The following RAPGEF6 variants were observed in gnomAD, a reference collection of about 807,000 sequenced individuals.
The protein encoded by RAPGEF6 is PDZ domain containing guanine nucleotide exchange factor (GEF) 2.
RAPGEF6 carries 56 observed loss-of-function variants against 171.4 expected under a neutral mutation model. That is an observed-to-expected ratio of 0.33 (90% confidence interval 0.26 to 0.41). The LOEUF (loss-of-function observed/expected upper bound fraction) is 0.41. Ranked by LOEUF, RAPGEF6 falls within the 10% of genes least tolerant of loss-of-function variation. RAPGEF6 has a pLI of 1.00. For synonymous variants in RAPGEF6, 692 were observed against 650.1 expected, an observed-to-expected ratio of 1.06 and a Z score of -0.98; for missense variants, 1,674 against 1,921.4, an observed-to-expected ratio of 0.87 and a Z score of 2.41.
chr5:131,582,123 A>G (rs955425746), intron 4 of RAPGEF6, among the ~76,000 whole-genome samples: 1 of 152,218 alleles, frequency 6.6e-6, no homozygotes, highest in South Asian at 2.1e-4. Flanking sequence ...GTGAATAAAT[A>G]GCCTTGTTGC....
intron 4 of RAPGEF6, among the ~76,000 whole-genome samples, chr5:131,579,170 C>A (rs148101073): frequency 4.9e-4 from 75 of 152,182 alleles, no homozygotes; most frequent in African/African-American, 1.8e-3. Context: ...TTGTTCGCTC[C>A]TCCCGTCTGG....
chr5:131,614,872 C>G (rs1278180594), intron 1 of RAPGEF6, among the ~76,000 whole-genome samples: 1 of 152,206 alleles, frequency 6.6e-6, no homozygotes, highest in African/African-American at 2.4e-5. Context: ...TGTAGCTACC[C>G]AGAATCCTTT....
intron 6 of RAPGEF6, among the ~76,000 whole-genome samples, chr5:131,533,310 T>A (rs1759535099): frequency 6.6e-6 from 1 of 152,064 alleles, no homozygotes; most frequent in Admixed American, 6.6e-5. Flanking sequence ...TAAAAATCCA[T>A]TTTGATTTTT....
At chr5:131,608,699 G>A (rs1314905897) in intron 1 of RAPGEF6, among the ~76,000 whole-genome samples, 1 of 152,060 alleles carries the variant, frequency 6.6e-6, no homozygotes, top group Non-Finnish European at 1.5e-5. Context: ...TTGTCTGAGG[G>A]GGTAAGTGAG....
chr5:131,427,945 T>C (rs1310027778), intron 27 of RAPGEF6, among the ~76,000 whole-genome samples: 3 of 151,704 alleles, frequency 2.0e-5, no homozygotes, highest in African/African-American at 7.3e-5. Flanking sequence ...CTGTCTCAAA[T>C]ACAAAAAATT....
chr5:131,571,055 G>A (rs538189149), intron 4 of RAPGEF6, among the ~76,000 whole-genome samples: 1 of 149,360 alleles, frequency 6.7e-6, no homozygotes, highest in Admixed American at 6.8e-5. Flanking sequence ...AGCAATTCTC[G>A]TGCCTCAGCC....
intron 23 of RAPGEF6, 178 bp from the exon 24 acceptor site, chr5:131,439,893 C>T (rs1341357822): frequency 5.5e-6 from 6 of 1,089,088 alleles, no homozygotes; most frequent in Non-Finnish European, 7.6e-6. Context: ...ATTCTCACCT[C>T]TAGGTTATTC....
intron 15 of RAPGEF6, among the ~76,000 whole-genome samples, chr5:131,480,211 C>G (rs1049265094): frequency 2.6e-5 from 4 of 151,996 alleles, no homozygotes; most frequent in African/African-American, 9.7e-5. Flanking sequence ...TTCAACCAAA[C>G]GTGGATTGAA....
intron 22 of RAPGEF6, among the ~76,000 whole-genome samples, chr5:131,445,493 CTG>C (rs11269268): frequency 7.1e-4 from 104 of 147,224 alleles, no homozygotes; most frequent in African/African-American, 1.7e-3. Flanking sequence ...AACTCACTCT[CTG>C]TGTGTGTGTG....
At chr5:131,598,519 G>A (rs1764036037) in intron 3 of RAPGEF6, among the ~76,000 whole-genome samples, 1 of 152,056 alleles carries the variant, frequency 6.6e-6, no homozygotes, top group Non-Finnish European at 1.5e-5. Context: ...CAAAACTGCT[G>A]AAAAGCAAAA....
In RAPGEF6 at chr5:131,569,136, G is replaced by A. The variant is rs150481878; in HGVS notation, c.282-7089C>T. Among the ~76,000 whole-genome samples, 486 of 152,278 alleles carry A rather than the reference G, an allele frequency of 3.2e-3. 3 individuals are homozygous for A. The highest frequency in any genetic ancestry group is 0.011 in the African/African-American group (462 of 41,556). On this transcript the variant is annotated intron_variant, in intron 4 of 27. Coordinates refer to ENST00000509018, the MANE Select transcript of RAPGEF6 (RefSeq NM_016340.6). ...TAGGCTGGAAACACAATATAGTTAAGACTGCAATTCTCCCCAAATTAATCT... is the reference window on the plus strand; with the variant it reads ...TAGGCTGGAAACACAATATAGTTAAAACTGCAATTCTCCCCAAATTAATCT...
intron 1 of RAPGEF6, among the ~76,000 whole-genome samples, chr5:131,619,178 G>A (rs1765457734): frequency 1.3e-5 from 2 of 152,066 alleles, no homozygotes; most frequent in African/African-American, 2.4e-5. Context: ...GGTGGCTCAC[G>A]CATTTACTAA....
Position 131,592,433 on chromosome 5 carries a change from T to G in RAPGEF6, c.231A>C (p.Leu77=), listed in dbSNP as rs532903828. The stretch of plus-strand genomic sequence containing the variant: ...CTTTCACAAGCACAGATCCAGAAAG[T>G]AGGATATACCAACATCTGGCAATCG... ...SETIARCWYI[L]LSGSVLVKGS... Residue 77 remains leucine, a synonymous_variant, in exon 4 of 28, where the codon CTA becomes CTC. Coordinates refer to ENST00000509018, the MANE Select transcript of RAPGEF6 (RefSeq NM_016340.6). 1 of 1,613,824 alleles carries G rather than the reference T, an allele frequency of 6.2e-7. No homozygotes were observed. Among genetic ancestry groups the G allele is most frequent in the African/African-American group, 1.3e-5 (1 of 74,924 alleles).
chr5:131,436,851 T>C (rs1752042096), intron 24 of RAPGEF6, among the ~76,000 whole-genome samples: 2 of 152,324 alleles, frequency 1.3e-5, no homozygotes, highest in South Asian at 4.1e-4. Context: ...CTGATCCTGT[T>C]GTAGATCCAA....
chr5:131,604,719 A>T, intron 1 of RAPGEF6, 26 bp from the exon 2 acceptor site: 2 of 1,582,868 alleles, frequency 1.3e-6, no homozygotes, highest in South Asian at 2.3e-5. Flanking sequence ...AAAAAATTAG[A>T]TTATTTTTCA....
intron 5 of RAPGEF6, among the ~76,000 whole-genome samples, chr5:131,555,652 T>C (rs998165629): frequency 6.6e-6 from 1 of 152,016 alleles, no homozygotes; most frequent in African/African-American, 2.4e-5. Flanking sequence ...TATACATATA[T>C]AATTGCTTTA....
chr5:131,634,971 C>A lies in RAPGEF6; in HGVS notation c.60G>T (p.Arg20=), dbSNP rs1231470110. 8.1e-6 allele frequency: 13 copies of A among 1,614,000 alleles called. No individual in the cohort carries two copies. Reference sequence around the variant, plus strand: ...GGTCAACCAGCCTCACCTCGGGAGTCCGCTCGGGTGGCTTCTTCCTCAACG... The same window carrying A: ...GGTCAACCAGCCTCACCTCGGGAGTACGCTCGGGTGGCTTCTTCCTCAACG... ...RQALRKKPPE[R]TPEDLNTIYS... The change falls in exon 1 of 28, where the codon CGG becomes CGT. Residue 20 remains arginine (R), a synonymous_variant. Transcript: ENST00000509018.
At chr5:131,520,642 T>A (rs1257372172) in intron 7 of RAPGEF6, among the ~76,000 whole-genome samples, 1 of 152,200 alleles carries the variant, frequency 6.6e-6, no homozygotes, top group Non-Finnish European at 1.5e-5. Flanking sequence ...TGTTTTATGT[T>A]CTATACTCAT....
chr5:131,559,946 C>A (rs905032666), intron 5 of RAPGEF6, among the ~76,000 whole-genome samples: 1 of 151,664 alleles, frequency 6.6e-6, no homozygotes, highest in Admixed American at 6.6e-5. Context: ...TGTTCAGTAA[C>A]AGACACTTCC....
Sources: allele counts gnomAD v4.1 joint callset (sites outside exome capture counted in the v4.1 genomes callset), GRCh38; gene constraint gnomAD v4.1.1; transcripts MANE v1.5; gene names NCBI Gene and HGNC (gene_info 2026-07-23, HGNC 2026-07-21).